Variants in ARL5B observed in about 807,000 individuals in gnomAD.
ARL5B encodes ARF like GTPase 5B.
In ARL5B, 10 loss-of-function variants were observed where a neutral mutation model predicts 26.9. That is an observed-to-expected ratio of 0.37 (90% CI 0.23 to 0.63). ARL5B has a LOEUF of 0.63. ARL5B is among the 30% of genes least tolerant of loss of function. The probability of loss-of-function intolerance (pLI) is 0.62; values close to 1 mark genes in which losing one functional copy is unlikely to be tolerated. For missense variants in ARL5B, 167 were observed against 213.9 expected (o/e 0.78, Z 1.37); for synonymous variants, 87 against 70.4 (o/e 1.24, Z -1.18).
rs576234767 is a variant in ARL5B at position 18,675,536 on chromosome 10, T to C, written c.*320T>C. The C allele has an allele frequency of 5.5e-4, 147 of 267,634 alleles. No individual in the cohort carries two copies. The highest frequency in any genetic ancestry group is 1.3e-3 in the Middle Eastern group (1 of 776). The allele number at this position is 267,634 out of a possible 1,614,324, so 16.6% of individuals were successfully genotyped here. A position where few individuals can be genotyped will look rare whatever the true frequency, so the allele number is the denominator to read the frequency against. ...CGTGATGTCTTCTGAAATATTCTTA[T>C]AACCTTAATGACCAATTGCTTTCAA... On this transcript the variant is annotated 3_prime_UTR_variant, in exon 6 of 6. Transcript: ENST00000377275.
chr10:18,663,461 A>G (rs1206955880), intron 1 of ARL5B, among the ~76,000 whole-genome samples: 2 of 151,322 alleles, frequency 1.3e-5, no homozygotes, highest in South Asian at 2.1e-4. Context: ...CTGGTTGCCA[A>G]TTGCGTATGA....
chr10:18,675,373 G>A lies in ARL5B; in HGVS notation c.*157G>A. ...AGTGCAGCTGAACTGGAACATAAAA[G>A]ATTTTTTCTTAACTTTTTTTTTTTA... On this transcript the variant is annotated 3_prime_UTR_variant, in exon 6 of 6. Coordinates refer to ENST00000377275, the MANE Select transcript of ARL5B (RefSeq NM_178815.5). 1.6e-6 allele frequency: 1 copy of A among 636,002 alleles called. No individual in the cohort carries two copies. The highest frequency in any genetic ancestry group is 2.8e-5 in the East Asian group (1 of 35,622). 39.4% of individuals were successfully genotyped at this position (636,002 alleles called of 1,614,324 possible). A position where few individuals can be genotyped will look rare whatever the true frequency, so the allele number is the denominator to read the frequency against.
Position 18,680,107 on chromosome 10 carries a change from G to A in ARL5B, c.*4891G>A, listed in dbSNP as rs1420922144. 1 of 151,916 alleles carries A rather than the reference G, an allele frequency of 6.6e-6. No individual in the cohort carries two copies. The highest frequency in any genetic ancestry group is 1.5e-5 in the Non-Finnish European group (1 of 67,858). The allele number at this position is 151,916 out of a possible 1,614,324, so 9.4% of individuals were successfully genotyped here. The stretch of plus-strand genomic sequence containing the variant: ...ATAGAAAACAAAGTTTTAAAAGAAT[G>A]GATATGTTTTCTTGCACAACTTGTA... On this transcript the variant is annotated 3_prime_UTR_variant, in exon 6 of 6. Transcript: ENST00000377275.
intron 1 of ARL5B, among the ~76,000 whole-genome samples, chr10:18,665,547 G>A (rs1463561340): frequency 1.3e-5 from 2 of 152,038 alleles, no homozygotes; most frequent in African/African-American, 4.8e-5. Flanking sequence ...TTTGGCTGAT[G>A]AAGTTTAGAA....
intron 1 of ARL5B, among the ~76,000 whole-genome samples, chr10:18,663,208 A>G (rs1328181509): frequency 2.0e-5 from 3 of 151,786 alleles, no homozygotes; most frequent in Non-Finnish European, 4.4e-5. Context: ...GGATTTTACC[A>G]TGTTGGCTAG....
chr10:18,670,079 C>T (rs1038875622), intron 3 of ARL5B, among the ~76,000 whole-genome samples: 3 of 151,172 alleles, frequency 2.0e-5, no homozygotes, highest in South Asian at 4.2e-4. Flanking sequence ...AACAAAGTTG[C>T]CTCTTTAAAA....
At position 18,677,287 on chromosome 10, in the gene ARL5B, A is replaced by G. The variant is rs1188640544; in HGVS notation, c.*2071A>G. On this transcript the variant is annotated 3_prime_UTR_variant, in exon 6 of 6. Transcript: ENST00000377275. ...TTATTTTTTATATTACCACATCAGCATTATATTAAAAGTGTTTTTAATAGT... is the reference window on the plus strand; with the variant it reads ...TTATTTTTTATATTACCACATCAGCGTTATATTAAAAGTGTTTTTAATAGT... 1 of 152,254 alleles carries G rather than the reference A, an allele frequency of 6.6e-6. No individual in the cohort carries two copies. Among genetic ancestry groups the G allele is most frequent in the Non-Finnish European group, 1.5e-5 (1 of 67,828 alleles). 9.4% of individuals were successfully genotyped at this position (152,254 alleles called of 1,614,324 possible). A position where few individuals can be genotyped will look rare whatever the true frequency, so the allele number is the denominator to read the frequency against.
At position 18,659,592 on chromosome 10, in the gene ARL5B, C is replaced by T. The variant is rs778705410; in HGVS notation, c.-46C>T. 6.3e-7 allele frequency: 1 copy of T among 1,584,252 alleles called. No individual in the cohort carries two copies. Among genetic ancestry groups the T allele is most frequent in the Non-Finnish European group, 8.6e-7 (1 of 1,166,834 alleles). On this transcript the variant is annotated 5_prime_UTR_variant, in exon 1 of 6. Transcript: ENST00000377275. ...CGCCGCGGTGGGGGACCCGGCGCAG[C>T]GGCACCTGCTGCCGAGGGACCCCGC...
rs2059918801 is a variant in ARL5B, at chr10:18,678,339, A to AGTCATT, written c.*3124_*3129dup. 6.6e-6 allele frequency: 1 copy of AGTCATT among 151,844 alleles called. No individual in the cohort carries two copies. The highest frequency in any genetic ancestry group is 2.4e-5 in the African/African-American group (1 of 41,408). 9.4% of individuals were successfully genotyped at this position (151,844 alleles called of 1,614,324 possible). On this transcript the variant is annotated 3_prime_UTR_variant, in exon 6 of 6. Coordinates refer to ENST00000377275, the MANE Select transcript of ARL5B (RefSeq NM_178815.5). The stretch of plus-strand genomic sequence containing the variant: ...TAAATGAGTGCCACCCCATAGCCAT[A>AGTCATT]GTCATTTTGATTAAGCATAATTTAA...
Position 18,672,609 on chromosome 10 carries a change from A to G in ARL5B, c.256-13A>G. The G allele has an allele frequency of 6.3e-7, 1 of 1,593,474 alleles. No individual in the cohort carries two copies. Among genetic ancestry groups the G allele is most frequent in the Non-Finnish European group, 8.6e-7 (1 of 1,168,872 alleles). ...CATTCAATTTTCTGTCTTTCCTTTTAATTTTCTTCTAGTTCATCATTCTTG... is the reference window on the plus strand; with the variant it reads ...CATTCAATTTTCTGTCTTTCCTTTTGATTTTCTTCTAGTTCATCATTCTTG... On this transcript the variant is annotated splice_polypyrimidine_tract_variant and intron_variant, in intron 3 of 5. Transcript: ENST00000377275.
Position 18,677,599 on chromosome 10 carries a change from G to A in ARL5B, c.*2383G>A, listed in dbSNP as rs1217338229. The A allele has an allele frequency of 6.6e-6, 1 of 152,234 alleles. No homozygotes were observed. Among genetic ancestry groups the A allele is most frequent in the African/African-American group, 2.4e-5 (1 of 41,392 alleles). 9.4% of individuals were successfully genotyped at this position (152,234 alleles called of 1,614,324 possible). On this transcript the variant is annotated 3_prime_UTR_variant, in exon 6 of 6. Transcript: ENST00000377275. The stretch of plus-strand genomic sequence containing the variant: ...AAACTGATTATTCTTTACTCCAAGA[G>A]AATGTTTTAACCCAAGCAAGTATCT...
intron 1 of ARL5B, among the ~76,000 whole-genome samples, chr10:18,666,083 C>A (rs1196824161): frequency 6.6e-6 from 1 of 152,054 alleles, no homozygotes; most frequent in Non-Finnish European, 1.5e-5. Context: ...ACACATGAAA[C>A]GTTTCAATTT....
rs948753962 is a variant in ARL5B, at chr10:18,666,937, C to A, written c.107+302C>A. Among the ~76,000 whole-genome samples the A allele has an allele frequency of 4.3e-4, 66 of 152,158 alleles. 1 individual carries two copies. Among genetic ancestry groups the A allele is most frequent in the Admixed American group, 4.3e-3 (66 of 15,272 alleles). On this transcript the variant is annotated intron_variant, in intron 2 of 5. Transcript: ENST00000377275. ...AGTGGATTTCACTTAGTTCTTACCCCACTTGGGTTTATGTAAATAAATTGA... is the reference window on the plus strand; with the variant it reads ...AGTGGATTTCACTTAGTTCTTACCCAACTTGGGTTTATGTAAATAAATTGA...
At chr10:18,668,503 G>C in intron 2 of ARL5B, 27 bp from the exon 3 acceptor site, 3 of 1,611,202 alleles carry the variant, frequency 1.9e-6, no homozygotes, top group Non-Finnish European at 2.5e-6. Context: ...ATTTACAAGA[G>C]CTTTTACGGT....
rs2059871425 is a variant in ARL5B, at chr10:18,668,467, G to A, written c.108-63G>A. 1.9e-5 allele frequency: 30 copies of A among 1,570,152 alleles called. 1 individual carries two copies. In the South Asian group the frequency reaches 3.0e-4, roughly 15 times the overall value. On this transcript the variant is annotated intron_variant, in intron 2 of 5. Coordinates refer to ENST00000377275, the MANE Select transcript of ARL5B (RefSeq NM_178815.5). ...GGTTGATTGATCTTAAAAATACAGA[G>A]ATAAAAGTTGCTTCAGATTCTCAAG...
rs1055296230 is a variant in ARL5B at position 18,659,769 on chromosome 10, C to T, written c.46+86C>T. Reference sequence around the variant, plus strand: ...GGGACACCGGAGACAGGGGACAGAGCGTTCGGAGACGCGGAGGAGGAAGGG... The same window carrying T: ...GGGACACCGGAGACAGGGGACAGAGTGTTCGGAGACGCGGAGGAGGAAGGG... On this transcript the variant is annotated intron_variant, in intron 1 of 5. Coordinates refer to ENST00000377275, the MANE Select transcript of ARL5B (RefSeq NM_178815.5). The T allele has an allele frequency of 4.1e-5, 65 of 1,567,608 alleles. No individual in the cohort carries two copies. The East Asian group carries it at 1.3e-3, about 32-fold the overall frequency.
In ARL5B at chr10:18,680,399, T is replaced by G. The variant is rs1210364032; in HGVS notation, c.*5183T>G. On this transcript the variant is annotated 3_prime_UTR_variant, in exon 6 of 6. Coordinates refer to ENST00000377275, the MANE Select transcript of ARL5B (RefSeq NM_178815.5). Reference sequence around the variant, plus strand: ...AGTGCTCAGTCAATATTTAATTAGTTTAATTAGATAAGGGAAAGGAGAAAT... The same window carrying G: ...AGTGCTCAGTCAATATTTAATTAGTGTAATTAGATAAGGGAAAGGAGAAAT... 6.6e-6 allele frequency: 1 copy of G among 152,088 alleles called. No individual in the cohort carries two copies. The highest frequency in any genetic ancestry group is 1.5e-5 in the Non-Finnish European group (1 of 67,946). 9.4% of individuals were successfully genotyped at this position (152,088 alleles called of 1,614,324 possible).
chr10:18,669,601 A>T (rs1373693563), intron 3 of ARL5B, among the ~76,000 whole-genome samples: 4 of 152,198 alleles, frequency 2.6e-5, no homozygotes, highest in Non-Finnish European at 5.9e-5. Flanking sequence ...AGAGAGATTT[A>T]TCCTTGATAG....
At position 18,678,096 on chromosome 10, in the gene ARL5B, C is replaced by T. The variant is rs910108507; in HGVS notation, c.*2880C>T. The T allele has an allele frequency of 1.3e-5, 2 of 151,478 alleles. No homozygotes were observed. The highest frequency in any genetic ancestry group is 4.8e-5 in the African/African-American group (2 of 41,300). 9.4% of individuals were successfully genotyped at this position (151,478 alleles called of 1,614,324 possible). A position where few individuals can be genotyped will look rare whatever the true frequency, so the allele number is the denominator to read the frequency against. On this transcript the variant is annotated 3_prime_UTR_variant, in exon 6 of 6. Coordinates refer to ENST00000377275, the MANE Select transcript of ARL5B (RefSeq NM_178815.5). ...TGAGAACTCTTAGAATTAATAGAACCTTTTATAAGGGAATATATGGAATAT... is the reference window on the plus strand; with the variant it reads ...TGAGAACTCTTAGAATTAATAGAACTTTTTATAAGGGAATATATGGAATAT...
Sources: allele counts gnomAD v4.1 joint callset (sites outside exome capture counted in the v4.1 genomes callset), GRCh38; gene constraint gnomAD v4.1.1; transcripts MANE v1.5; gene names NCBI Gene and HGNC (gene_info 2026-07-23, HGNC 2026-07-21).